Variants in PHF19 observed in about 807,000 individuals in gnomAD.
PHF19 encodes polycomb like 3.
PHF19 carries 21 observed loss-of-function variants against 79.8 expected under a neutral mutation model. The observed-to-expected ratio is 0.26, with a 90% confidence interval of 0.19 to 0.38. The LOEUF (loss-of-function observed/expected upper bound fraction) is 0.38. Ranked by LOEUF, PHF19 falls within the 10% of genes least tolerant of loss-of-function variation. The pLI, the probability that PHF19 is intolerant of heterozygous loss-of-function variation, is 1.00. For missense variants in PHF19, 445 were observed against 744.2 expected, an observed-to-expected ratio of 0.60 and a Z score of 4.68; for synonymous variants, 273 against 296.3, an observed-to-expected ratio of 0.92 and a Z score of 0.81.
intron 1 of PHF19, among the ~76,000 whole-genome samples, chr9:120,894,093 C>T (rs948864982): frequency 6.6e-6 from 1 of 152,190 alleles, no homozygotes; most frequent in Middle Eastern, 3.2e-3. Flanking sequence ...TCATTTGGAA[C>T]CTGTCACCTC....
At chr9:120,882,859 A>T (rs962308226) in intron 1 of PHF19, among the ~76,000 whole-genome samples, 1 of 150,950 alleles carries the variant, frequency 6.6e-6, no homozygotes, top group Non-Finnish European at 1.5e-5. Flanking sequence ...AAAAAAAAAA[A>T]GAAAGAAACT....
intron 9 of PHF19, among the ~76,000 whole-genome samples, chr9:120,865,399 G>A (rs1296988420): frequency 1.3e-5 from 2 of 152,212 alleles, no homozygotes; most frequent in Non-Finnish European, 2.9e-5. Flanking sequence ...TCAGCAGTGG[G>A]CAGACCCACT....
intron 1 of PHF19, among the ~76,000 whole-genome samples, chr9:120,892,285 C>G (rs1238475835): frequency 1.3e-5 from 2 of 152,112 alleles, no homozygotes; most frequent in Admixed American, 6.6e-5. Context: ...CTTGTCTCGG[C>G]TCTCTCTTTT....
At position 120,890,213 on chromosome 9, in the gene PHF19, G is replaced by A. The variant is rs566863271; in HGVS notation, c.42+4575C>T. Among the ~76,000 whole-genome samples the A allele has an allele frequency of 1.5e-4, 22 of 150,682 alleles. 1 individual carries two copies. The South Asian group carries it at 2.9e-3, about 20-fold the overall frequency. On this transcript the variant is annotated intron_variant, in intron 1 of 14. Transcript: ENST00000616568. Reference sequence around the variant, plus strand: ...ATCTCAGCTTTGCAGAATAAAAACAGGCAGATGCTGTTGGACCCTGATTCA... The same window carrying A: ...ATCTCAGCTTTGCAGAATAAAAACAAGCAGATGCTGTTGGACCCTGATTCA...
upstream of PHF19, among the ~76,000 whole-genome samples, chr9:120,878,477 C>G (rs1053223603): frequency 1.3e-5 from 2 of 152,218 alleles, no homozygotes; most frequent in African/African-American, 4.8e-5. Context: ...CCCCACCAGA[C>G]AGGGATATGT....
chr9:120,872,084 C>T (rs2045920645), intron 3 of PHF19, among the ~76,000 whole-genome samples: 1 of 130,110 alleles, frequency 7.7e-6, no homozygotes, highest in Non-Finnish European at 1.6e-5. Flanking sequence ...GGTACCTCTT[C>T]ATCTCTGTAT....
intron 6 of PHF19, chr9:120,868,138 C>T (rs191704699): frequency 6.6e-6 from 1 of 152,222 alleles, no homozygotes; most frequent in African/African-American, 2.4e-5. Context: ...GTGGCATGAT[C>T]ACAGCTCACT....
chr9:120,890,950 C>T (rs1026397760), intron 1 of PHF19, among the ~76,000 whole-genome samples: 15 of 152,190 alleles, frequency 9.9e-5, no homozygotes, highest in African/African-American at 3.6e-4. Context: ...CTACTCTCCA[C>T]CCCCACCCTT....
rs1298131859 is a variant in PHF19, at chr9:120,869,020, G to C, written c.614+162C>G. 9 of 397,520 alleles carry C rather than the reference G, an allele frequency of 2.3e-5. No homozygotes were observed. The highest frequency in any genetic ancestry group is 8.0e-5 in the Admixed American group (1 of 12,474). 24.6% of individuals were successfully genotyped at this position (397,520 alleles called of 1,614,324 possible). A position where few individuals can be genotyped will look rare whatever the true frequency, so the allele number is the denominator to read the frequency against. On this transcript the variant is annotated intron_variant, in intron 6 of 14. Transcript: ENST00000373896. The surrounding 1 kb of genome is among the most constrained non-coding windows in gnomAD (Gnocchi z 5.8). Reference sequence around the variant, plus strand: ...CCCACCCCCGCGGCTGACACTCCAGGCCCGCCCCTCGAGGCCCCGCCCCCA... The same window carrying C: ...CCCACCCCCGCGGCTGACACTCCAGCCCCGCCCCTCGAGGCCCCGCCCCCA...
chr9:120,894,402 G>A (rs2046378561), intron 1 of PHF19, among the ~76,000 whole-genome samples: 1 of 152,110 alleles, frequency 6.6e-6, no homozygotes, highest in South Asian at 2.1e-4. Flanking sequence ...GTCTGCGGCG[G>A]AGACTCACAT....
At chr9:120,897,152 C>T (rs1338579047), upstream of PHF19, among the ~76,000 whole-genome samples, 1 of 152,246 alleles carries the variant, frequency 6.6e-6, no homozygotes, top group Non-Finnish European at 1.5e-5. Context: ...CACAGGCTCT[C>T]AGAAGCCCCA....
chr9:120,889,425 C>CA (rs35061787), intron 1 of PHF19, among the ~76,000 whole-genome samples: 2,941 of 100,150 alleles, frequency 0.029, 51 homozygotes, highest in African/African-American at 0.074. Context: ...GTCTCCATCT[C>CA]AAAAAAAAAA....
chr9:120,903,879 G>A, the PHF19 span: 1 of 152,260 alleles, frequency 6.6e-6, no homozygotes, highest in African/African-American at 2.4e-5. Flanking sequence ...TGCAAAACTG[G>A]TGGCACCACC....
intron 1 of PHF19, among the ~76,000 whole-genome samples, chr9:120,882,542 T>C (rs528865715): frequency 6.6e-6 from 1 of 152,280 alleles, no homozygotes; most frequent in Non-Finnish European, 1.5e-5. Context: ...CAAGTTAGCC[T>C]ATATGAAAGT....
chr9:120,890,494 C>G (rs765026181), intron 1 of PHF19, among the ~76,000 whole-genome samples: 6 of 152,074 alleles, frequency 3.9e-5, no homozygotes, highest in Non-Finnish European at 8.8e-5. Context: ...GGTGAGGCCA[C>G]TGAATTTCAG....
At chr9:120,883,466 G>T (rs1285107188) in intron 1 of PHF19, among the ~76,000 whole-genome samples, 1 of 152,158 alleles carries the variant, frequency 6.6e-6, no homozygotes, top group Non-Finnish European at 1.5e-5. Context: ...ATCTCAGGAA[G>T]CTCCCGGTCC....
intron 1 of PHF19, among the ~76,000 whole-genome samples, chr9:120,887,547 G>C (rs920410582): frequency 2.0e-5 from 3 of 152,034 alleles, no homozygotes; most frequent in African/African-American, 7.3e-5. Context: ...CTGCTGGCCT[G>C]CCCTATAGAT....
chr9:120,871,530 C>A (rs994421968), intron 3 of PHF19, among the ~76,000 whole-genome samples: 1 of 152,056 alleles, frequency 6.6e-6, no homozygotes, highest in African/African-American at 2.4e-5. Context: ...AATCAAAGTC[C>A]CCAAGTAAAG....
intron 1 of PHF19, among the ~76,000 whole-genome samples, chr9:120,884,331 T>C (rs1290554211): frequency 6.6e-6 from 1 of 152,196 alleles, no homozygotes; most frequent in East Asian, 1.9e-4. Flanking sequence ...AGGCATCCTT[T>C]CTGGAATCAA....
Sources: gnomAD v4.1 joint callset for allele counts (sites outside exome capture counted in the v4.1 genomes callset) on GRCh38, gnomAD v4.1.1 for gene constraint, Gnocchi (gnomAD v3.1) non-coding constraint, MANE v1.5 for transcripts, NCBI Gene and HGNC (gene_info 2026-07-23, HGNC 2026-07-21) for gene names.